The following DHRSX variants were observed in gnomAD, a reference collection of about 807,000 sequenced individuals.
DHRSX encodes the protein polyprenol dehydrogenase.
A neutral mutation model predicts 34.0 loss-of-function variants in DHRSX; 31 were observed. That is an observed-to-expected ratio of 0.91 (90% CI 0.69 to 1.23). The LOEUF (loss-of-function observed/expected upper bound fraction) is 1.23, where lower values mean the gene tolerates loss of function less well. DHRSX is among the 50% of genes most tolerant of loss of function. The probability of loss-of-function intolerance (pLI) is 0.00; values close to 1 mark genes in which losing one functional copy is unlikely to be tolerated. For missense variants in DHRSX, 414 were observed against 428.1 expected (o/e 0.97, Z 0.29); for synonymous variants, 201 against 183.8 (o/e 1.09, Z -0.76).
intron 3 of DHRSX, among the ~76,000 whole-genome samples, chrX:2,330,517 GA>G (rs2042453575): frequency 1.1e-5 from 1 of 87,074 alleles, no homozygotes; most frequent in East Asian, 3.3e-4. Context: ...GAGACTCCGT[GA>G]AAGAAAAAAA....
At chrX:2,446,492 G>T (rs1262245348) in intron 1 of DHRSX, among the ~76,000 whole-genome samples, 1 of 151,408 alleles carries the variant, frequency 6.6e-6, no homozygotes, top group Admixed American at 6.6e-5. Context: ...AGGGACCACC[G>T]CCATGTACAC....
In DHRSX at chrX:2,229,500, G is replaced by C. The variant is rs183719552; in HGVS notation, c.805-8271C>G. ...TGGAATGTTCTGGAAAATAGGTTTCGGGGCTGGATGTTTTCTGGGATGCTG... is the reference window on the plus strand; with the variant it reads ...TGGAATGTTCTGGAAAATAGGTTTCCGGGCTGGATGTTTTCTGGGATGCTG... On this transcript the variant is annotated intron_variant, in intron 6 of 6. Coordinates refer to ENST00000334651, the MANE Select transcript of DHRSX (RefSeq NM_145177.3). 3.0e-4 allele frequency among the ~76,000 whole-genome samples: 46 copies of C among 152,128 alleles called. No individual in the cohort carries two copies. In the East Asian group the frequency reaches 7.0e-3, roughly 23 times the overall value.
intron 3 of DHRSX, among the ~76,000 whole-genome samples, chrX:2,306,159 A>G (rs1361533844): frequency 6.6e-6 from 1 of 152,120 alleles, no homozygotes; most frequent in Non-Finnish European, 1.5e-5. Context: ...GAGCAGTGTG[A>G]GAACGGAGTA....
intron 1 of DHRSX, among the ~76,000 whole-genome samples, chrX:2,460,682 C>A (rs1213401288): frequency 6.6e-6 from 1 of 151,848 alleles, no homozygotes; most frequent in African/African-American, 2.4e-5. Context: ...CTCCCAGGCT[C>A]AAGTGATCCT....
intron 3 of DHRSX, among the ~76,000 whole-genome samples, chrX:2,302,279 G>A (rs1024098651): frequency 4.0e-5 from 6 of 151,074 alleles, no homozygotes; most frequent in African/African-American, 1.5e-4. Flanking sequence ...GGCCATCAAG[G>A]AAAAGGAAAT....
At chrX:2,463,521 C>T (rs2044432133) in intron 1 of DHRSX, among the ~76,000 whole-genome samples, 1 of 149,232 alleles carries the variant, frequency 6.7e-6, no homozygotes, top group Non-Finnish European at 1.5e-5. Context: ...TCCGAAGATT[C>T]AGGTTCTCAA....
chrX:2,408,851 A>T (rs748867172), intron 2 of DHRSX, 38 bp from the exon 3 acceptor site: 2 of 1,523,628 alleles, frequency 1.3e-6, no homozygotes, highest in Admixed American at 3.8e-5. Flanking sequence ...GGTGACTTGT[A>T]GGATTATCCA....
rs182990922 is a variant in DHRSX, at chrX:2,459,977, G to A, written c.110-34673C>T. The stretch of plus-strand genomic sequence containing the variant: ...ACAAAAATTAGCCGGGTGTGGTGGC[G>A]GGCGACTGTAATCCCAGCTACTCAG... On this transcript the variant is annotated intron_variant, in intron 1 of 6. Transcript: ENST00000334651. 8.1e-3 allele frequency among the ~76,000 whole-genome samples: 1,235 copies of A among 152,022 alleles called. 10 individuals are homozygous for A. The highest frequency in any genetic ancestry group is 0.013 in the Non-Finnish European group (876 of 67,968).
intron 5 of DHRSX, among the ~76,000 whole-genome samples, chrX:2,246,595 C>T (rs1318926181): frequency 1.3e-5 from 2 of 150,014 alleles, no homozygotes; most frequent in African/African-American, 2.5e-5. Context: ...TGTACTCCAG[C>T]CTGGGCAACA....
At chrX:2,321,293 T>G (rs1453836745) in intron 3 of DHRSX, among the ~76,000 whole-genome samples, 3 of 152,056 alleles carry the variant, frequency 2.0e-5, no homozygotes, top group African/African-American at 7.2e-5. Flanking sequence ...ACATCGAATG[T>G]GTAACGCAGT....
intron 3 of DHRSX, among the ~76,000 whole-genome samples, chrX:2,358,155 A>G (rs1424679527): frequency 6.6e-6 from 1 of 152,202 alleles, no homozygotes; most frequent in Non-Finnish European, 1.5e-5. Flanking sequence ...CTTGGTTTAA[A>G]GTTACGAAAG....
At chrX:2,356,648 CCT>C (rs1363498739) in intron 3 of DHRSX, among the ~76,000 whole-genome samples, 1 of 152,132 alleles carries the variant, frequency 6.6e-6, no homozygotes, top group Non-Finnish European at 1.5e-5. Context: ...CTCTGCCACC[CCT>C]GAGAAAGCCA....
At chrX:2,365,382 C>T (rs1181985073) in intron 3 of DHRSX, among the ~76,000 whole-genome samples, 1 of 152,114 alleles carries the variant, frequency 6.6e-6, no homozygotes, top group East Asian at 1.9e-4. Context: ...ACAAATGATC[C>T]ACCCATCTCG....
chrX:2,455,741 C>CAAAAAAAAAAAAAAAAAAAAAAAAA (rs752123891), intron 1 of DHRSX, among the ~76,000 whole-genome samples: 1 of 59,806 alleles, frequency 1.7e-5, no homozygotes, highest in Non-Finnish European at 3.3e-5. Context: ...AACTTCGTCT[C>CAAAAAAAAAAAAAAAAAAAAAAAAA]AAAAAAAAAA....
rs753074689 is a variant in DHRSX, at chrX:2,277,082, A to C, written c.389-10135T>G. Among the ~76,000 whole-genome samples the C allele has an allele frequency of 4.5e-5, 4 of 89,628 alleles. 1 individual carries two copies. Among genetic ancestry groups the C allele is most frequent in the African/African-American group, 2.3e-4 (4 of 17,704 alleles). The allele number at this position is 89,628 out of a possible 152,430, so 58.8% of individuals were successfully genotyped here. A position where few individuals can be genotyped will look rare whatever the true frequency, so the allele number is the denominator to read the frequency against. ...AGGAAATAGGGGGAAAGAGAGAAAG[A>C]GAGATGGAGAGGGAACAGGGAGAGA... On this transcript the variant is annotated intron_variant, in intron 4 of 6. Transcript: ENST00000334651.
intron 3 of DHRSX, among the ~76,000 whole-genome samples, chrX:2,336,119 T>C (rs911709767): frequency 1.1e-4 from 17 of 151,740 alleles, no homozygotes; most frequent in African/African-American, 4.1e-4. Flanking sequence ...GCCATTCTCC[T>C]GCCTCAGCCT....
intron 2 of DHRSX, among the ~76,000 whole-genome samples, chrX:2,423,734 C>G (rs1369068509): frequency 1.3e-5 from 2 of 152,148 alleles, no homozygotes; most frequent in Non-Finnish European, 2.9e-5. Flanking sequence ...CTCTCCCCTC[C>G]TCCCCGCCCC....
chrX:2,246,739 A>G (rs1335696792), intron 5 of DHRSX, among the ~76,000 whole-genome samples: 1 of 113,398 alleles, frequency 8.8e-6, no homozygotes, highest in Non-Finnish European at 2.3e-5. Context: ...AAAGAAAGAA[A>G]GAAAGAAAGA....
chrX:2,250,842 T>C (rs1200854338), intron 5 of DHRSX, among the ~76,000 whole-genome samples: 6 of 152,170 alleles, frequency 3.9e-5, no homozygotes, highest in Non-Finnish European at 7.4e-5. Context: ...CTGGTTCTAA[T>C]GCCTCTGAAA....
Sources: allele counts gnomAD v4.1 joint callset (sites outside exome capture counted in the v4.1 genomes callset), GRCh38; gene constraint gnomAD v4.1.1; transcripts MANE v1.5; gene names NCBI Gene and HGNC (gene_info 2026-07-23, HGNC 2026-07-21).